The following ASCC1 variants were observed in gnomAD, a reference collection of about 807,000 sequenced individuals.
ASCC1 encodes the protein ASC-1 complex subunit P50.
In ASCC1, 35 loss-of-function variants were observed where a neutral mutation model predicts 46.6. The observed-to-expected ratio is 0.75, with a 90% CI of 0.57 to 0.99. The LOEUF (loss-of-function observed/expected upper bound fraction) is 0.99. Ranked by LOEUF, ASCC1 falls within the 50% of genes least tolerant of loss-of-function variation. ASCC1 has a pLI of 0.00. For missense variants in ASCC1, 376 were observed against 428.7 expected (o/e 0.88, Z 1.09); for synonymous variants, 143 against 146.6 (o/e 0.98, Z 0.18).
At chr10:72,177,382 T>C (rs903713881) in intron 5 of ASCC1, among the ~76,000 whole-genome samples, 2 of 152,130 alleles carry the variant, frequency 1.3e-5, no homozygotes, top group Admixed American at 6.6e-5. Context: ...TCCTAAATTA[T>C]ACACTAAAGC....
chr10:72,166,512 C>A (rs7901443), intron 5 of ASCC1, among the ~76,000 whole-genome samples: 10,670 of 122,360 alleles, frequency 0.087, 1,340 homozygotes, highest in African/African-American at 0.34. Flanking sequence ...AAAAAAAAAA[C>A]AAAACCCACA....
intron 5 of ASCC1, chr10:72,189,802 C>CAAAAAA (rs996153326): frequency 0.033 from 5,466 of 167,628 alleles, 626 homozygotes; most frequent in African/African-American, 0.22. Flanking sequence ...AACTCCATCT[C>CAAAAAA]AAAAAAAAAA....
chr10:72,127,664 C>CTTTTTTTTTTTCTTTTTT, intron 9 of ASCC1, among the ~76,000 whole-genome samples: 1 of 130,008 alleles, frequency 7.7e-6, no homozygotes, highest in Non-Finnish European at 1.6e-5. Context: ...CTAAGGGTTT[C>CTTTTTTTTTTTCTTTTTT]TTTTTTTTTT....
intron 5 of ASCC1, among the ~76,000 whole-genome samples, chr10:72,165,486 A>G (rs1850226723): frequency 6.6e-6 from 1 of 152,256 alleles, no homozygotes; most frequent in Non-Finnish European, 1.5e-5. Context: ...TTCTTATTGT[A>G]TAATCAGGTC....
intron 7 of ASCC1, among the ~76,000 whole-genome samples, chr10:72,139,114 C>CTTTTTTTTTTTTT (rs1222967667): frequency 2.3e-5 from 3 of 130,696 alleles, no homozygotes; most frequent in Admixed American, 7.5e-5. Context: ...TTTTCTTTTT[C>CTTTTTTTTTTTTT]TTTTTTTTTT....
At chr10:72,107,236 A>G (rs990945538) in intron 9 of ASCC1, among the ~76,000 whole-genome samples, 15 of 151,888 alleles carry the variant, frequency 9.9e-5, no homozygotes, top group African/African-American at 2.9e-4. Context: ...TACTAATCTC[A>G]CTCAGAATTA....
intron 5 of ASCC1, among the ~76,000 whole-genome samples, chr10:72,189,668 G>A (rs1854087905): frequency 6.6e-6 from 1 of 151,960 alleles, no homozygotes; most frequent in Non-Finnish European, 1.5e-5. Context: ...TGGGCATGGT[G>A]GCGCATGCCT....
chr10:72,185,560 T>C (rs1239641044), intron 5 of ASCC1, among the ~76,000 whole-genome samples: 2 of 152,134 alleles, frequency 1.3e-5, no homozygotes, highest in African/African-American at 4.8e-5. Flanking sequence ...AAAGACTATA[T>C]ATCATATAAT....
At chr10:72,212,074 C>T (rs1858217845) in intron 2 of ASCC1, 2 of 153,056 alleles carry the variant, frequency 1.3e-5, no homozygotes, top group African/African-American at 4.8e-5. Flanking sequence ...GTCCCAGCTA[C>T]TGGGGAAGCT....
chr10:72,123,094 T>C (rs112151128), intron 9 of ASCC1, among the ~76,000 whole-genome samples: 4,225 of 152,078 alleles, frequency 0.028, 228 homozygotes, highest in African/African-American at 0.097. Context: ...TCCCAGCACT[T>C]TGGGAGGCCG....
At chr10:72,170,216 T>C (rs1455901675) in intron 5 of ASCC1, among the ~76,000 whole-genome samples, 1 of 152,058 alleles carries the variant, frequency 6.6e-6, no homozygotes, top group Non-Finnish European at 1.5e-5. Flanking sequence ...AGTCTTAAAA[T>C]GTCCTCTTCT....
chr10:72,105,404 C>T (rs1467894743), intron 9 of ASCC1, among the ~76,000 whole-genome samples: 2 of 152,228 alleles, frequency 1.3e-5, no homozygotes, highest in East Asian at 1.9e-4. Context: ...CACTTGCTCA[C>T]GTGCTCCCTC....
chr10:72,167,016 A>G (rs1167980731), intron 5 of ASCC1, among the ~76,000 whole-genome samples: 1 of 152,220 alleles, frequency 6.6e-6, no homozygotes, highest in Non-Finnish European at 1.5e-5. Context: ...GCCACTTTGG[A>G]AAACAGTTTG....
chr10:72,206,769 C>T (rs992224017), intron 3 of ASCC1, among the ~76,000 whole-genome samples: 1 of 152,150 alleles, frequency 6.6e-6, no homozygotes, highest in African/African-American at 2.4e-5. Flanking sequence ...CCAGGCCATA[C>T]AGAGGATTGA....
chr10:72,161,842 A>T (rs1849730657), intron 5 of ASCC1, among the ~76,000 whole-genome samples, 168 bp from the exon 6 acceptor site: 1 of 152,214 alleles, frequency 6.6e-6, no homozygotes, highest in South Asian at 2.1e-4. Flanking sequence ...ATGCTAGAAC[A>T]ATAGAATACC....
At chr10:72,151,924 C>T (rs1416494929) in intron 7 of ASCC1, among the ~76,000 whole-genome samples, 8 of 150,578 alleles carry the variant, frequency 5.3e-5, no homozygotes, top group Non-Finnish European at 8.8e-5. Context: ...CTCCTGACCT[C>T]GTGATCCGCC....
intron 7 of ASCC1, among the ~76,000 whole-genome samples, chr10:72,152,091 C>T (rs1424704578): frequency 6.6e-6 from 1 of 151,306 alleles, no homozygotes; most frequent in African/African-American, 2.4e-5. Flanking sequence ...TCCTTAGGCT[C>T]AGGTGATCCT....
intron 7 of ASCC1, among the ~76,000 whole-genome samples, chr10:72,138,031 AT>A (rs1246939125): frequency 6.6e-6 from 1 of 152,018 alleles, no homozygotes; most frequent in Non-Finnish European, 1.5e-5. Context: ...CCACCGGCTA[AT>A]TTTTGTATTT....
rs190612967 is a variant in ASCC1, at chr10:72,136,282, G to A, written c.747-3101C>T. 8.5e-5 allele frequency among the ~76,000 whole-genome samples: 13 copies of A among 152,152 alleles called. No homozygotes were observed. The East Asian group carries it at 2.5e-3, about 29-fold the overall frequency. ...GCACCAATCGGCACTCTGTAAAAAC[G>A]CACCAATCAGCGCTCTGTGTCTAGC... On this transcript the variant is annotated intron_variant, in intron 7 of 9. Transcript: ENST00000672957.
Sources: gnomAD v4.1 joint callset for allele counts (sites outside exome capture counted in the v4.1 genomes callset) on GRCh38, gnomAD v4.1.1 for gene constraint, MANE v1.5 for transcripts, NCBI Gene and HGNC (gene_info 2026-07-23, HGNC 2026-07-21) for gene names.